The following JPH3 variants were observed in gnomAD, a reference collection of about 807,000 sequenced individuals.
The protein encoded by JPH3 is junctophilin-3.
JPH3 carries 11 observed loss-of-function variants against 59.6 expected under a neutral mutation model. The observed-to-expected ratio is 0.18, with a 90% confidence interval of 0.12 to 0.31. The LOEUF is 0.31. JPH3 is among the 10% of genes least tolerant of loss of function. The pLI is 1.00. For missense variants in JPH3, 1,202 were observed against 1,105.7 expected, an observed-to-expected ratio of 1.09 and a Z score of -1.24; for synonymous variants, 673 against 483.6, an observed-to-expected ratio of 1.39 and a Z score of -5.14.
intron 1 of JPH3, among the ~76,000 whole-genome samples, chr16:87,614,286 G>A (rs2030853330): frequency 1.3e-5 from 2 of 150,966 alleles, no homozygotes; most frequent in African/African-American, 4.9e-5. Flanking sequence ...CTGTACACAG[G>A]AGGAGCTGTG....
At chr16:87,674,140 C>G (rs565071905) in intron 2 of JPH3, among the ~76,000 whole-genome samples, 27 of 151,960 alleles carry the variant, frequency 1.8e-4, no homozygotes, top group African/African-American at 6.0e-4. Flanking sequence ...CGAGACCATC[C>G]TGGCTAACAC....
chr16:87,676,065 G>A (rs920691787), intron 2 of JPH3, among the ~76,000 whole-genome samples: 1 of 152,394 alleles, frequency 6.6e-6, no homozygotes, highest in South Asian at 2.1e-4. Context: ...TGTAAAGTTA[G>A]ATCACGATGG....
intron 4 of JPH3, chr16:87,695,853 G>T: frequency 4.4e-6 from 2 of 456,084 alleles, no homozygotes; most frequent in Non-Finnish European, 8.8e-6. Flanking sequence ...CACAGGGAAG[G>T]TGGCAGCTTG....
chr16:87,604,288 C>CTGCTGG, intron 1 of JPH3: 1 of 875,534 alleles, frequency 1.1e-6, no homozygotes, highest in East Asian at 5.3e-5. Flanking sequence ...AGGGAGCTGC[C>CTGCTGG]TGCTGCTGCT....
At chr16:87,649,701 G>A (rs1418614191) in intron 2 of JPH3, among the ~76,000 whole-genome samples, 3 of 152,174 alleles carry the variant, frequency 2.0e-5, no homozygotes, top group South Asian at 4.1e-4. Flanking sequence ...AGCTGGGGGC[G>A]ATGGGGCAGA....
chr16:87,675,294 C>A (rs1042882571), intron 2 of JPH3, among the ~76,000 whole-genome samples: 17 of 151,942 alleles, frequency 1.1e-4, no homozygotes, highest in African/African-American at 4.1e-4. Context: ...CAGGCCTCAG[C>A]CACGCCTGCT....
intron 3 of JPH3, chr16:87,684,514 G>A (rs114751132): frequency 0.078 from 39,909 of 511,264 alleles, 1,971 homozygotes; most frequent in South Asian, 0.15. Context: ...TTGGGGCACC[G>A]CGTGTTGCTT....
chr16:87,619,319 A>AG (rs1432552626), intron 1 of JPH3, among the ~76,000 whole-genome samples: 1 of 150,450 alleles, frequency 6.6e-6, no homozygotes, highest in Non-Finnish European at 1.5e-5. Context: ...TCTTAAGAAA[A>AG]AAAAAAAAAA....
At chr16:87,608,445 C>T (rs2030608543) in intron 1 of JPH3, among the ~76,000 whole-genome samples, 1 of 152,136 alleles carries the variant, frequency 6.6e-6, no homozygotes, top group Non-Finnish European at 1.5e-5. Flanking sequence ...GTGGACTGGC[C>T]GCTTCCCCCG....
chr16:87,689,482 G>T (rs180784506), intron 3 of JPH3, among the ~76,000 whole-genome samples, 164 bp from the exon 4 acceptor site: 2 of 150,954 alleles, frequency 1.3e-5, no homozygotes, highest in Non-Finnish European at 1.5e-5. Flanking sequence ...GAGGGCTTTG[G>T]GAGCCACGGT....
intron 1 of JPH3, among the ~76,000 whole-genome samples, chr16:87,631,251 A>G (rs564221837): frequency 1.3e-5 from 2 of 152,238 alleles, no homozygotes; most frequent in South Asian, 2.1e-4. Flanking sequence ...GTCTTCTTTC[A>G]TGGTTTCCTC....
intron 2 of JPH3, among the ~76,000 whole-genome samples, chr16:87,661,545 C>T (rs911113617): frequency 1.3e-5 from 2 of 152,226 alleles, no homozygotes; most frequent in Non-Finnish European, 2.9e-5. Context: ...TAGGTCACCA[C>T]CATGTGTGAC....
chr16:87,695,449 G>T (rs1174923208), intron 4 of JPH3: 1 of 456,050 alleles, frequency 2.2e-6, no homozygotes, highest in Non-Finnish European at 4.4e-6. Flanking sequence ...GTAGGAAGTG[G>T]AGGGCTCCGG....
At chr16:87,662,605 C>A (rs2032740530) in intron 2 of JPH3, among the ~76,000 whole-genome samples, 1 of 152,162 alleles carries the variant, frequency 6.6e-6, no homozygotes, top group Non-Finnish European at 1.5e-5. Context: ...CTTTCCTGGC[C>A]CCCTGGTGGC....
chr16:87,625,296 A>G (rs1263507055), intron 1 of JPH3, among the ~76,000 whole-genome samples: 2 of 152,166 alleles, frequency 1.3e-5, no homozygotes, highest in Non-Finnish European at 2.9e-5. Flanking sequence ...TGGAGCACAC[A>G]GTCGGTGCTG....
intron 1 of JPH3, among the ~76,000 whole-genome samples, chr16:87,626,948 C>T (rs1196290043): frequency 6.6e-6 from 1 of 152,152 alleles, no homozygotes; most frequent in Non-Finnish European, 1.5e-5. Context: ...CAAGACCAGC[C>T]TGGACAACAT....
rs778555068 is a variant in JPH3, at chr16:87,689,858, C to G, written c.1498C>G (p.His500Asp). The change falls in exon 4 of 5, where the codon CAC becomes GAC. Residue 500 changes from histidine to aspartate, a missense_variant. Transcript: ENST00000284262. Reference protein sequence around the residue: ...PAPAARNKVAHFSRQVSVDEE... With the variant: ...PAPAARNKVADFSRQVSVDEE... The stretch of plus-strand genomic sequence containing the variant: ...GCCCGCCGCCAGGAACAAGGTCGCC[C>G]ACTTCTCGAGGCAGGTGTCGGTGGA... 40 of 1,511,472 alleles carry G rather than the reference C, an allele frequency of 2.6e-5. 1 individual carries two copies. In the South Asian group the frequency reaches 5.1e-4, roughly 19 times the overall value. 93.6% of individuals were successfully genotyped at this position (1,511,472 alleles called of 1,614,324 possible).
chr16:87,684,823 C>T (rs1026867377), intron 3 of JPH3, among the ~76,000 whole-genome samples: 20 of 149,296 alleles, frequency 1.3e-4, no homozygotes, highest in Admixed American at 2.7e-4. Flanking sequence ...CTCGTCCTCC[C>T]TTCGAGGGGG....
intron 1 of JPH3, among the ~76,000 whole-genome samples, chr16:87,615,011 C>G (rs1206854954): frequency 1.4e-5 from 2 of 145,974 alleles, no homozygotes; most frequent in African/African-American, 5.1e-5. Flanking sequence ...ACGCTGGTCC[C>G]TGCACACACG....
Sources: gnomAD v4.1 joint callset for allele counts (sites outside exome capture counted in the v4.1 genomes callset) on GRCh38, gnomAD v4.1.1 for gene constraint, MANE v1.5 for transcripts, NCBI Gene and HGNC (gene_info 2026-07-23, HGNC 2026-07-21) for gene names.